Variants in HTR1D observed in about 807,000 individuals in gnomAD.
HTR1D encodes the protein 5-hydroxytryptamine receptor 1D, also known as 5-HT-1D.
In HTR1D, 18 loss-of-function variants were observed where a neutral mutation model predicts 21.1. That is an observed-to-expected ratio of 0.85 (90% CI 0.59 to 1.27). The LOEUF is 1.27. HTR1D is among the 50% of genes most tolerant of loss of function. HTR1D has a pLI of 0.00. For synonymous variants in HTR1D, 196 were observed against 204.4 expected, an observed-to-expected ratio of 0.96 and a Z score of 0.35; for missense variants, 456 against 481.4, an observed-to-expected ratio of 0.95 and a Z score of 0.49.
chr1:23,207,273 G>A (rs1303877906), intron 1 of HTR1D, among the ~76,000 whole-genome samples: 1 of 152,100 alleles, frequency 6.6e-6, no homozygotes, highest in Non-Finnish European at 1.5e-5. Context: ...GTGGTGTGTG[G>A]TGGTACGTGC....
intron 1 of HTR1D, among the ~76,000 whole-genome samples, chr1:23,211,706 G>T (rs1246740751): frequency 6.6e-6 from 1 of 151,854 alleles, no homozygotes; most frequent in Non-Finnish European, 1.5e-5. Context: ...CTGTTGCCTA[G>T]GCTGGAGTAC....
chr1:23,201,738 G>A (rs1644709965), intron 1 of HTR1D, among the ~76,000 whole-genome samples: 1 of 152,066 alleles, frequency 6.6e-6, no homozygotes, highest in Non-Finnish European at 1.5e-5. Flanking sequence ...TTTTTTTGTA[G>A]AGATGGGGTC....
At chr1:23,200,024 A>T (rs1453593487) in intron 1 of HTR1D, among the ~76,000 whole-genome samples, 1 of 152,076 alleles carries the variant, frequency 6.6e-6, no homozygotes, top group African/African-American at 2.4e-5. Flanking sequence ...AATTTTTCTC[A>T]ATCTATTTTG....
At chr1:23,214,297 C>T (rs959899222) in intron 1 of HTR1D, among the ~76,000 whole-genome samples, 14 of 152,138 alleles carry the variant, frequency 9.2e-5, no homozygotes, top group Middle Eastern at 6.8e-3. Flanking sequence ...CATGATGGTG[C>T]GTGCCTGTAG....
intron 1 of HTR1D, among the ~76,000 whole-genome samples, chr1:23,200,088 C>A (rs751182636): frequency 6.6e-6 from 1 of 152,114 alleles, no homozygotes; most frequent in South Asian, 2.1e-4. Flanking sequence ...TACATTAATA[C>A]CTATTGATAA....
chr1:23,216,859 C>G (rs61777102), intron 1 of HTR1D, among the ~76,000 whole-genome samples: 2 of 151,912 alleles, frequency 1.3e-5, no homozygotes, highest in Non-Finnish European at 2.9e-5. Context: ...CCCCCTTCAA[C>G]TCTCTCCAGA....
chr1:23,202,278 G>T (rs1274902003), intron 1 of HTR1D, among the ~76,000 whole-genome samples: 1 of 151,906 alleles, frequency 6.6e-6, no homozygotes, highest in East Asian at 1.9e-4. Context: ...TCTATTTTTA[G>T]TAGGGGGTTT....
chr1:23,193,151 T>G lies in HTR1D; in HGVS notation c.1069A>C (p.Thr357Pro). The change falls in exon 2 of 2, where the codon ACT becomes CCT. Residue 357 changes from threonine (T) to proline (P), a missense_variant. Thr to Pro is a conservative substitution (Grantham distance 38, BLOSUM62 -1). Coordinates refer to ENST00000374619, the MANE Select transcript of HTR1D (RefSeq NM_000864.5). ...LNSLINPIIY[T>P]VFNEEFRQAF... ...TGCCGAAACTCTTCATTAAACACAG[T>G]GTAGATTATTGGATTGATGAGGGAG... The G allele has an allele frequency of 6.2e-7, 1 of 1,613,550 alleles. No individual in the cohort carries two copies. The highest frequency in any genetic ancestry group is 1.1e-5 in the South Asian group (1 of 91,066).
intron 1 of HTR1D, among the ~76,000 whole-genome samples, chr1:23,196,582 C>T (rs1171371362): frequency 1.3e-5 from 2 of 151,962 alleles, no homozygotes; most frequent in Non-Finnish European, 1.5e-5. Flanking sequence ...AAAACCAATC[C>T]TAAGCCACCA....
intron 1 of HTR1D, among the ~76,000 whole-genome samples, chr1:23,197,091 C>A (rs1001332057): frequency 6.6e-6 from 1 of 152,140 alleles, no homozygotes; most frequent in Non-Finnish European, 1.5e-5. Context: ...CAAACTCATG[C>A]GGTCACTCCT....
At chr1:23,198,959 G>A (rs942909291) in intron 1 of HTR1D, among the ~76,000 whole-genome samples, 11 of 152,122 alleles carry the variant, frequency 7.2e-5, no homozygotes, top group Admixed American at 5.2e-4. Context: ...AGGTTTAAGC[G>A]ATTCTCCTGC....
chr1:23,194,106 C>G lies in HTR1D; in HGVS notation c.114G>C (p.Lys38Asn). 6.2e-7 allele frequency: 1 copy of G among 1,614,106 alleles called. No individual in the cohort carries two copies. The highest frequency in any genetic ancestry group is 8.5e-7 in the Non-Finnish European group (1 of 1,180,030). ...AWDPRTLQAL[K>N]ISLAVVLSVI... is the part of the protein sequence containing the mutation. The stretch of plus-strand genomic sequence containing the variant: ...CGGAAAGGACCACGGCAAGGGAGAT[C>G]TTGAGCGCCTGGAGGGTCCTGGGAT... The change falls in exon 2 of 2, where the codon AAG (lysine) becomes AAC (asparagine). Residue 38 changes from lysine (K) to asparagine (N), a missense_variant. Transcript: ENST00000374619.
intron 1 of HTR1D, among the ~76,000 whole-genome samples, chr1:23,212,233 C>T (rs550625445): frequency 2.3e-4 from 35 of 152,304 alleles, no homozygotes; most frequent in South Asian, 1.4e-3. Flanking sequence ...CTTCTCTCCA[C>T]GCCACTGGTC....
chr1:23,209,021 A>C (rs1265284973), intron 1 of HTR1D, among the ~76,000 whole-genome samples: 1 of 138,630 alleles, frequency 7.2e-6, no homozygotes, highest in Non-Finnish European at 1.5e-5. Context: ...TTTTTGAGAC[A>C]GTCTTGCTCT....
chr1:23,205,596 T>G (rs1459544804), intron 1 of HTR1D, among the ~76,000 whole-genome samples: 1 of 152,212 alleles, frequency 6.6e-6, no homozygotes, highest in African/African-American at 2.4e-5. Context: ...CAGGCTGGAG[T>G]GCAATGGCGC....
chr1:23,199,238 T>G (rs1644700874), intron 1 of HTR1D, among the ~76,000 whole-genome samples: 1 of 151,710 alleles, frequency 6.6e-6, no homozygotes, highest in South Asian at 2.1e-4. Context: ...CTCAGCCTCC[T>G]GAGTAGCTGG....
intron 1 of HTR1D, among the ~76,000 whole-genome samples, chr1:23,202,537 C>G (rs772919108): frequency 1.3e-5 from 2 of 152,134 alleles, no homozygotes; most frequent in Non-Finnish European, 2.9e-5. Context: ...TTGCCAGGAA[C>G]AAAAAGGATG....
Position 23,194,634 on chromosome 1 carries a change from T to C in HTR1D, c.-415A>G, listed in dbSNP as rs933811644. 8.3e-5 allele frequency: 14 copies of C among 168,596 alleles called. No homozygotes were observed. The highest frequency in any genetic ancestry group is 1.3e-4 in the Admixed American group (2 of 15,452). The allele number at this position is 168,596 out of a possible 1,614,324, so 10.4% of individuals were successfully genotyped here. A position where few individuals can be genotyped will look rare whatever the true frequency, so the allele number is the denominator to read the frequency against. ...TGGGCAATGCCCTGGGATTCTTGCC[T>C]TTGGCATCTGGCTCTTTTCAAAGCT... On this transcript the variant is annotated 5_prime_UTR_variant, in exon 2 of 2. Coordinates refer to ENST00000374619, the MANE Select transcript of HTR1D (RefSeq NM_000864.5).
intron 1 of HTR1D, among the ~76,000 whole-genome samples, chr1:23,213,336 T>G (rs1300008915): frequency 1.3e-5 from 2 of 152,106 alleles, no homozygotes; most frequent in Non-Finnish European, 2.9e-5. Flanking sequence ...AAAAATTAGC[T>G]GTGCGTGGTG....
Sources: allele counts gnomAD v4.1 joint callset (sites outside exome capture counted in the v4.1 genomes callset), GRCh38; gene constraint gnomAD v4.1.1; transcripts MANE v1.5; gene names NCBI Gene and HGNC (gene_info 2026-07-23, HGNC 2026-07-21).